The following DNAH12 variants were observed in gnomAD, a reference collection of about 807,000 sequenced individuals.
The protein encoded by DNAH12 is axonemal beta dynein heavy chain 12.
DNAH12 carries 285 observed loss-of-function variants against 371.5 expected under a neutral mutation model. The ratio of observed to expected loss-of-function variants is 0.77; its 90% CI spans 0.70 to 0.85. DNAH12 has a LOEUF of 0.85. DNAH12 is among the 40% of genes least tolerant of loss of function. DNAH12 has a pLI of 0.00. For synonymous variants in DNAH12, 1,200 were observed against 1,213.0 expected, an observed-to-expected ratio of 0.99 and a Z score of 0.22; for missense variants, 3,611 against 3,689.4, an observed-to-expected ratio of 0.98 and a Z score of 0.55.
intron 4 of DNAH12, among the ~76,000 whole-genome samples, chr3:57,522,092 C>G (rs1230655577): frequency 6.6e-6 from 1 of 151,816 alleles, no homozygotes; most frequent in African/African-American, 2.4e-5. Context: ...GGTGTGGTGG[C>G]ACATGTCTGT....
intron 59 of DNAH12, among the ~76,000 whole-genome samples, chr3:57,355,779 T>C (rs2062783707): frequency 1.3e-5 from 2 of 152,184 alleles, no homozygotes; most frequent in African/African-American, 4.8e-5. Context: ...TGAGAAGGGA[T>C]TTCAATCACT....
the DNAH12 span, among the ~76,000 whole-genome samples, chr3:57,552,349 G>A: frequency 2.6e-5 from 4 of 151,906 alleles, no homozygotes; most frequent in East Asian, 7.7e-4. Context: ...GAGCCATTGT[G>A]CTCAGCCAAT....
At chr3:57,542,164 G>T (rs796341441) in intron 2 of DNAH12, among the ~76,000 whole-genome samples, 3 of 123,248 alleles carry the variant, frequency 2.4e-5, no homozygotes, top group African/African-American at 7.5e-5. Context: ...CTGGGGGGGG[G>T]GGGGGCGGTG....
chr3:57,298,839 T>C (rs2061286882), intron 70 of DNAH12, among the ~76,000 whole-genome samples: 1 of 152,224 alleles, frequency 6.6e-6, no homozygotes, highest in Non-Finnish European at 1.5e-5. Context: ...ATACATGGCT[T>C]GTCCCCTGTA....
At chr3:57,352,358 C>A (rs2062697991) in intron 59 of DNAH12, 133 bp from the exon 60 acceptor site, 2 of 944,390 alleles carry the variant, frequency 2.1e-6, no homozygotes, top group African/African-American at 1.7e-5. Context: ...CACACGAGGG[C>A]ATGTAAAACT....
Position 57,489,624 on chromosome 3 carries a change from T to G in DNAH12, c.1399A>C (p.Thr467Pro), listed in dbSNP as rs6806444. The G allele has an allele frequency of 0.68, 1,040,383 of 1,540,110 alleles. 353,121 individuals are homozygous for G. Among genetic ancestry groups the G allele is most frequent in the South Asian group, 0.76 (61,657 of 81,322 alleles). Residue 467 changes from threonine (T) to proline (P), a missense_variant, in exon 12 of 74, where the codon ACT becomes CCT. By Grantham distance (38) the Thr-to-Pro change is conservative. This residue lies in a region of DNAH12 where 1,314 missense variants were observed against 1,398.7 expected (regional missense o/e 0.94). Transcript: ENST00000495027. ...IMLLPQWIHY[T>P]MVRLDCEDLK... ...TCTTCACAATCCAAACGCACCATAG[T>G]GTAATGAATCCACTGAGGCAAAAGC... is the stretch of plus-strand genomic sequence containing the variant.
intron 29 of DNAH12, among the ~76,000 whole-genome samples, chr3:57,438,927 A>AAAAAAAAAAAAAAAAAAAAAAT (rs2065219349): frequency 6.7e-6 from 1 of 150,050 alleles, no homozygotes; most frequent in Non-Finnish European, 1.5e-5. Flanking sequence ...ACAAAAAAAA[A>AAAAAAAAAAAAAAAAAAAAAAT]AAAAAGGAAA....
At chr3:57,479,447 C>A (rs541076146) in intron 13 of DNAH12, among the ~76,000 whole-genome samples, 1 of 152,270 alleles carries the variant, frequency 6.6e-6, no homozygotes, top group Admixed American at 6.5e-5. Flanking sequence ...TAGAAAGAGA[C>A]CTAGACTCCC....
intron 32 of DNAH12, among the ~76,000 whole-genome samples, chr3:57,430,441 GGATT>G (rs1435525220): frequency 6.6e-6 from 1 of 151,724 alleles, no homozygotes; most frequent in East Asian, 1.9e-4. Flanking sequence ...TCTTTTCAAT[GGATT>G]TATTTAAAGC....
At chr3:57,400,224 G>A (rs897933920) in intron 43 of DNAH12, among the ~76,000 whole-genome samples, 6 of 152,168 alleles carry the variant, frequency 3.9e-5, no homozygotes, top group Non-Finnish European at 5.9e-5. Flanking sequence ...GGAGGTGGAG[G>A]TTGCAGTGAG....
At chr3:57,383,148 G>C (rs2063430947) in intron 49 of DNAH12, among the ~76,000 whole-genome samples, 2 of 152,154 alleles carry the variant, frequency 1.3e-5, no homozygotes, top group Admixed American at 6.5e-5. Context: ...CTGCAGCGTG[G>C]CTTTGTGAGT....
At chr3:57,321,923 G>A (rs114262976) in intron 65 of DNAH12, among the ~76,000 whole-genome samples, 310 of 152,170 alleles carry the variant, frequency 2.0e-3, no homozygotes, top group African/African-American at 7.1e-3. Context: ...ATTATTACTA[G>A]AATCTAAGTT....
intron 11 of DNAH12, among the ~76,000 whole-genome samples, chr3:57,500,114 C>A (rs987403140): frequency 6.6e-6 from 1 of 151,128 alleles, no homozygotes; most frequent in Admixed American, 6.6e-5. Flanking sequence ...GAGCTCCGCT[C>A]ACTGCAACCT....
intron 11 of DNAH12, among the ~76,000 whole-genome samples, chr3:57,491,081 C>CAAAAAAAA (rs553885449): frequency 0.046 from 3,261 of 70,186 alleles, 263 homozygotes; most frequent in Non-Finnish European, 0.071. Context: ...GACTCTATCT[C>CAAAAAAAA]AAAAAAAAAA....
intron 70 of DNAH12, among the ~76,000 whole-genome samples, chr3:57,301,060 TG>T (rs2061333580): frequency 6.6e-6 from 1 of 151,394 alleles, no homozygotes; most frequent in Non-Finnish European, 1.5e-5. Context: ...GAGGCCAAGG[TG>T]GGAGGATTGC....
chr3:57,325,108 C>T (rs2061906902), intron 62 of DNAH12, among the ~76,000 whole-genome samples: 1 of 152,254 alleles, frequency 6.6e-6, no homozygotes, highest in Admixed American at 6.5e-5. Flanking sequence ...TCAAGGAGGC[C>T]TGCCTGCCTC....
At chr3:57,495,623 A>G (rs1329894838) in intron 11 of DNAH12, among the ~76,000 whole-genome samples, 1 of 146,598 alleles carries the variant, frequency 6.8e-6, no homozygotes, top group Non-Finnish European at 1.5e-5. Context: ...TGTATATATT[A>G]TATATATTTT....
At position 57,471,564 on chromosome 3, in the gene DNAH12, C is replaced by A; in HGVS notation, c.1819G>T (p.Ala607Ser). The part of the protein sequence containing the change: ...AKHKKENELM[A>S]KREKLILEIE... ...TCCAAAATAAGTTTCTCTCTCTTGG[C>A]CATTAGTTCATTTTCTTTTTTATGT... The change falls in exon 15 of 74, where the codon GCC becomes TCC. Residue 607 changes from alanine to serine, a missense_variant. Coordinates refer to ENST00000495027, the MANE Select transcript of DNAH12 (RefSeq NM_001366028.2). 2.6e-6 allele frequency: 4 copies of A among 1,547,174 alleles called. No homozygotes were observed. Among genetic ancestry groups the A allele is most frequent in the Non-Finnish European group, 3.5e-6 (4 of 1,145,932 alleles).
chr3:57,295,653 A>G, intron 72 of DNAH12, 61 bp from the exon 73 acceptor site: 1 of 1,402,922 alleles, frequency 7.1e-7, no homozygotes, highest in African/African-American at 1.4e-5. Flanking sequence ...CTGAGAACAG[A>G]TTGCTACTTA....
Sources: allele counts gnomAD v4.1 joint callset (sites outside exome capture counted in the v4.1 genomes callset), GRCh38; gene constraint gnomAD v4.1.1; regional missense constraint gnomAD v4.1.1; transcripts MANE v1.5; gene names NCBI Gene and HGNC (gene_info 2026-07-23, HGNC 2026-07-21).